Variants in HBP1 observed in about 807,000 individuals in gnomAD.
HBP1 encodes the protein HMG-box transcription factor 1.
In HBP1, 20 loss-of-function variants were observed where a neutral mutation model predicts 62.6. The ratio of observed to expected loss-of-function variants is 0.32; its 90% CI spans 0.22 to 0.46. HBP1 has a LOEUF of 0.46. Among genes scored for constraint, HBP1 ranks in the 20% least tolerant of loss-of-function variants. The probability of loss-of-function intolerance (pLI) is 1.00; values close to 1 mark genes in which losing one functional copy is unlikely to be tolerated. For synonymous variants in HBP1, 232 were observed against 206.2 expected, an observed-to-expected ratio of 1.12 and a Z score of -1.07; for missense variants, 480 against 611.8, an observed-to-expected ratio of 0.78 and a Z score of 2.27.
chr7:107,190,342 T>C (rs533338173), intron 8 of HBP1, 25 bp downstream of exon 8: 1 of 1,545,360 alleles, frequency 6.5e-7, no homozygotes, highest in South Asian at 1.2e-5. Flanking sequence ...ATTCTTTGTT[T>C]TATTTTCCTC....
intron 1 of HBP1, chr7:107,170,239 CCTA>C: frequency 2.0e-6 from 1 of 488,682 alleles, no homozygotes; most frequent in Non-Finnish European, 2.7e-6. Context: ...GCGATGGAGT[CCTA>C]CTAACAGCTC....
intron 9 of HBP1, 181 bp downstream of exon 9, chr7:107,196,332 G>A (rs139116484): frequency 8.9e-5 from 56 of 632,030 alleles, no homozygotes; most frequent in African/African-American, 6.8e-4. Flanking sequence ...CCAGTGGTAC[G>A]ATCTCAGCTC....
At chr7:107,189,196 T>C in intron 6 of HBP1, 96 bp from the exon 7 acceptor site, 1 of 1,050,554 alleles carries the variant, frequency 9.5e-7, no homozygotes, top group Non-Finnish European at 1.4e-6. Context: ...TCTTGGTTAT[T>C]TTTACCTTTT....
chr7:107,174,798 T>TACAGATGTGAG, intron 1 of HBP1: 7 of 616,692 alleles, frequency 1.1e-5, no homozygotes, highest in Non-Finnish European at 1.4e-5. Context: ...GCAGCTCACA[T>TACAGATGTGAG]CTGTATGTGA....
At chr7:107,174,992 A>G (rs563294485) in intron 1 of HBP1, among the ~76,000 whole-genome samples, 1 of 152,234 alleles carries the variant, frequency 6.6e-6, no homozygotes, top group East Asian at 1.9e-4. Context: ...GTTAATAAAT[A>G]AGGAATCTGC....
chr7:107,200,289 A>G lies in HBP1; in HGVS notation c.1515A>G (p.Lys505=). 12 of 1,613,074 alleles carry G rather than the reference A, an allele frequency of 7.4e-6. No individual in the cohort carries two copies. The highest frequency in any genetic ancestry group is 1.0e-5 in the Non-Finnish European group (12 of 1,179,434). The change falls in exon 10 of 11, where the codon AAA becomes AAG. Residue 505 remains lysine (K), a synonymous_variant. Transcript: ENST00000222574. The part of the protein sequence containing the change: ...KRLNPDCWKR[K]RTNSGSQQH Reference sequence around the variant, plus strand: ...TAAATCCTGACTGTTGGAAGAGGAAAAGAACCAATTCAGTATGTTTCAATA... The same window carrying G: ...TAAATCCTGACTGTTGGAAGAGGAAGAGAACCAATTCAGTATGTTTCAATA...
chr7:107,194,709 G>A (rs551489013), intron 8 of HBP1, among the ~76,000 whole-genome samples: 7 of 152,220 alleles, frequency 4.6e-5, no homozygotes, highest in African/African-American at 1.4e-4. Flanking sequence ...ATGTATTACC[G>A]GAATTTCTGT....
chr7:107,173,848 G>T (rs1435827594), intron 1 of HBP1, among the ~76,000 whole-genome samples: 2 of 152,162 alleles, frequency 1.3e-5, no homozygotes, highest in East Asian at 3.8e-4. Context: ...TAAAATACAA[G>T]GCAAGCTGTG....
intron 8 of HBP1, among the ~76,000 whole-genome samples, chr7:107,192,352 T>C (rs2115950616): frequency 2.0e-5 from 3 of 152,174 alleles, no homozygotes; most frequent in Middle Eastern, 6.8e-3. Flanking sequence ...ATAGCAGTCA[T>C]TTCTGCATAA....
chr7:107,178,722 A>G (rs1387309919), intron 1 of HBP1, among the ~76,000 whole-genome samples: 1 of 152,218 alleles, frequency 6.6e-6, no homozygotes, highest in Non-Finnish European at 1.5e-5. Flanking sequence ...AGAAACTCTG[A>G]AATGTTATTT....
chr7:107,184,179 T>C (rs1041976026), intron 3 of HBP1, among the ~76,000 whole-genome samples: 3 of 152,224 alleles, frequency 2.0e-5, no homozygotes, highest in African/African-American at 7.2e-5. Flanking sequence ...GAGTCAGGAA[T>C]GAACAAAAGG....
At chr7:107,185,768 A>G (rs370130344) in intron 3 of HBP1, 33 bp from the exon 4 acceptor site, 457 of 1,591,182 alleles carry the variant, frequency 2.9e-4, no homozygotes, top group East Asian at 1.8e-3. Flanking sequence ...TTAAGGACCT[A>G]TGCTTATGGT....
rs1477916848 is a variant in HBP1, at chr7:107,182,459, T to C, written c.256T>C (p.Tyr86His). The C allele has an allele frequency of 1.2e-6, 2 of 1,612,324 alleles. No homozygotes were observed. Among genetic ancestry groups the C allele is most frequent in the Non-Finnish European group, 1.7e-6 (2 of 1,178,482 alleles). The change falls in exon 3 of 11, where the codon TAC becomes CAC. Residue 86 changes from tyrosine (Y) to histidine (H), a missense_variant. By Grantham distance (83) the Tyr-to-His change is moderately conservative (BLOSUM62 2). Coordinates refer to ENST00000222574, the MANE Select transcript of HBP1 (RefSeq NM_012257.4). ...QLSSDVSHQE[Y>H]PRSSWNQNTS... ...GAGTTCAGATGTTTCACATCAAGAATACCCAAGATCATCTTGGAACCAAAA... is the reference window on the plus strand; with the variant it reads ...GAGTTCAGATGTTTCACATCAAGAACACCCAAGATCATCTTGGAACCAAAA...
At chr7:107,175,504 T>C (rs1476432628) in intron 1 of HBP1, among the ~76,000 whole-genome samples, 2 of 152,160 alleles carry the variant, frequency 1.3e-5, no homozygotes, top group Admixed American at 1.3e-4. Flanking sequence ...TAAATAGTTT[T>C]CCTAAACTAC....
intron 1 of HBP1, among the ~76,000 whole-genome samples, chr7:107,178,613 A>G (rs1205175970): frequency 1.3e-5 from 2 of 152,216 alleles, no homozygotes; most frequent in East Asian, 3.8e-4. Context: ...CCTATTCAGA[A>G]TGACAGGTAT....
In HBP1 at chr7:107,179,939, A is replaced by G; in HGVS notation, c.46A>G (p.Lys16Glu). 6.2e-7 allele frequency: 1 copy of G among 1,610,984 alleles called. No homozygotes were observed. Among genetic ancestry groups the G allele is most frequent in the South Asian group, 1.1e-5 (1 of 90,950 alleles). The change falls in exon 2 of 11, where the codon AAA becomes GAA. Residue 16 changes from lysine (K) to glutamate (E), a missense_variant. By Grantham distance (56) the Lys-to-Glu change is moderately conservative. This residue lies in a region of HBP1 where 304 missense variants were observed against 330.9 expected (regional missense o/e 0.92). Coordinates refer to ENST00000222574, the MANE Select transcript of HBP1 (RefSeq NM_012257.4). ...AAATCAGATGCCTAATGCAGTACAG[A>G]AACTCCTGTTGGTGATGGACAAGAG... ...KTNQMPNAVQKLLLVMDKRAS... is the reference protein window; with the variant it reads ...KTNQMPNAVQELLLVMDKRAS...
chr7:107,178,237 A>G (rs1463124525), intron 1 of HBP1, among the ~76,000 whole-genome samples: 1 of 152,172 alleles, frequency 6.6e-6, no homozygotes, highest in Non-Finnish European at 1.5e-5. Context: ...TCCAACGCAT[A>G]GGCTGAAGTT....
Position 107,201,260 on chromosome 7 carries a change from C to T in HBP1, c.1528-154C>T, listed in dbSNP as rs967108582. ...GCATACATTTTCTGGATGCTTGAGC[C>T]ATCAGATATCAGCTAGCTTTTTAAA... On this transcript the variant is annotated intron_variant, in intron 10 of 10. Transcript: ENST00000222574. 1.9e-5 allele frequency: 9 copies of T among 473,390 alleles called. No homozygotes were observed. The East Asian group carries it at 2.7e-4, about 14-fold the overall frequency. The allele number at this position is 473,390 out of a possible 1,614,324, so 29.3% of individuals were successfully genotyped here.
intron 9 of HBP1, among the ~76,000 whole-genome samples, chr7:107,197,681 T>TTAA (rs1797989784): frequency 6.6e-6 from 1 of 152,230 alleles, no homozygotes; most frequent in African/African-American, 2.4e-5. Flanking sequence ...AAGAGGCTTT[T>TTAA]TAATACTATT....
Sources: allele counts gnomAD v4.1 joint callset (sites outside exome capture counted in the v4.1 genomes callset), GRCh38; gene constraint gnomAD v4.1.1; regional missense constraint gnomAD v4.1.1; transcripts MANE v1.5; gene names NCBI Gene and HGNC (gene_info 2026-07-23, HGNC 2026-07-21).